Variants in TRPV3 observed in about 807,000 individuals in gnomAD.
TRPV3 encodes VRL-3.
Under a neutral mutation model 87.1 loss-of-function variants are expected in TRPV3, and 88 were observed. The ratio of observed to expected loss-of-function variants is 1.01; its 90% CI spans 0.85 to 1.21. TRPV3 has a LOEUF of 1.21. TRPV3 is among the 50% of genes most tolerant of loss of function. The pLI, the probability that TRPV3 is intolerant of heterozygous loss-of-function variation, is 0.00. For synonymous variants in TRPV3, 438 were observed against 423.3 expected (o/e 1.03, Z -0.43); for missense variants, 1,054 against 1,030.1 (o/e 1.02, Z -0.32).
intron 2 of TRPV3, among the ~76,000 whole-genome samples, chr17:3,548,503 G>A (rs1261812322): frequency 6.6e-6 from 1 of 152,228 alleles, no homozygotes; most frequent in Non-Finnish European, 1.5e-5. Flanking sequence ...TGCTTGGCAT[G>A]GCCACTTCCT....
rs748476309 is a variant in TRPV3, at chr17:3,520,952, T to C, written c.1810+21A>G. 2.7e-6 allele frequency: 4 copies of C among 1,503,732 alleles called. No homozygotes were observed. The South Asian group carries it at 4.5e-5, about 17-fold the overall frequency. 93.1% of individuals were successfully genotyped at this position (1,503,732 alleles called of 1,614,324 possible). On this transcript the variant is annotated intron_variant, in intron 14 of 17. Transcript: ENST00000576742. ...AAGTGTTTATAAATGTGGGAGTTACTATTATTTATAAATCAATTACCTACT... is the reference window on the plus strand; with the variant it reads ...AAGTGTTTATAAATGTGGGAGTTACCATTATTTATAAATCAATTACCTACT...
rs1301469381 is a variant in TRPV3, at chr17:3,510,993, T to G, written c.*2924A>C. 2.0e-5 allele frequency: 3 copies of G among 152,256 alleles called. No homozygotes were observed. The East Asian group carries it at 5.8e-4, about 29-fold the overall frequency. The allele number at this position is 152,256 out of a possible 1,614,324, so 9.4% of individuals were successfully genotyped here. ...TCACATAATGTCTAGAATAATGAAT[T>G]CTTCCTGAGGAAAAGTTTAGCTAAA... On this transcript the variant is annotated 3_prime_UTR_variant, in exon 18 of 18. Transcript: ENST00000576742.
At chr17:3,520,559 T>G (rs1302044889) in intron 14 of TRPV3, among the ~76,000 whole-genome samples, 3 of 152,214 alleles carry the variant, frequency 2.0e-5, no homozygotes, top group Non-Finnish European at 2.9e-5. Context: ...CATGGTGAAG[T>G]TGGATTATGA....
chr17:3,523,051 A>C (rs778906987), intron 13 of TRPV3, among the ~76,000 whole-genome samples: 2 of 152,140 alleles, frequency 1.3e-5, no homozygotes, highest in Non-Finnish European at 2.9e-5. Flanking sequence ...TACATCATGA[A>C]AATTGGTAAA....
intron 16 of TRPV3, 94 bp downstream of exon 16, chr17:3,516,363 G>T: frequency 1.0e-6 from 1 of 968,788 alleles, no homozygotes; most frequent in Non-Finnish European, 1.7e-6. Flanking sequence ...TGGTTAGCAA[G>T]TGGCGGCACT....
Position 3,516,506 on chromosome 17 carries a change from T to A in TRPV3, c.2149A>T (p.Met717Leu), listed in dbSNP as rs781688821. 1.2e-6 allele frequency: 2 copies of A among 1,614,050 alleles called. No individual in the cohort carries two copies. Among genetic ancestry groups the A allele is most frequent in the Admixed American group, 3.3e-5 (2 of 59,998 alleles). Residue 717 changes from methionine to leucine, a missense_variant, in exon 16 of 18, where the codon ATG becomes TTG. Transcript: ENST00000576742. ...TCGGCCACTTTGCACAGCTCTCCCATCCGGAATCTGCTCCTCAGCCATTCT... is the reference window on the plus strand; with the variant it reads ...TCGGCCACTTTGCACAGCTCTCCCAACCGGAATCTGCTCCTCAGCCATTCT... ...LPEWLRSRFRMGELCKVAEDD... is the reference protein window; with the variant it reads ...LPEWLRSRFRLGELCKVAEDD...
At chr17:3,515,811 G>T (rs910970704) in intron 16 of TRPV3, among the ~76,000 whole-genome samples, 1 of 152,170 alleles carries the variant, frequency 6.6e-6, no homozygotes, top group Non-Finnish European at 1.5e-5. Flanking sequence ...AGGGTAAACA[G>T]CAGGAAAAGG....
Position 3,518,810 on chromosome 17 carries a change from CTTG to C in TRPV3, c.1848_1850del (p.Asn616del). On this transcript the variant is annotated inframe_deletion, in exon 15 of 18. Transcript: ENST00000576742. This position sits in a 1 kb window ranked among gnomAD's most constrained non-coding sequence, Gnocchi z 4.3. The stretch of plus-strand genomic sequence containing the variant: ...TGAAGCTGCCGTAGGAGCTGCAGTC[CTTG>C]TTGTCTTTGGGACACTTCTCGATCA... 2 of 1,614,114 alleles carry C rather than the reference CTTG, an allele frequency of 1.2e-6. No homozygotes were observed. The highest frequency in any genetic ancestry group is 1.6e-4 in the Middle Eastern group (1 of 6,062).
intron 8 of TRPV3, 80 bp downstream of exon 8, chr17:3,532,576 TA>T (rs1461862385): frequency 2.6e-6 from 4 of 1,517,374 alleles, no homozygotes; most frequent in Non-Finnish European, 3.6e-6. Context: ...GAATCCCCAG[TA>T]AGGCCCCCGG....
In TRPV3 at chr17:3,554,742, TG is replaced by T; in HGVS notation, c.108del (p.Thr37GlnfsTer11). 6.2e-7 allele frequency: 1 copy of T among 1,609,680 alleles called. No homozygotes were observed. Among genetic ancestry groups the T allele is most frequent in the Non-Finnish European group, 8.5e-7 (1 of 1,177,286 alleles). ...LPEKRPAEITPTKKSAHFFLE... is the reference protein window; with the variant it reads ...LPEKRPAEITXTKKSAHFFLE... ...GCTCTCCAAACCCACCTCTTCTTTG[TG>T]GGGGTGATCTCCGCCGGCCTCTTCT... On this transcript the variant is annotated frameshift_variant, in exon 2 of 18. Coordinates refer to ENST00000576742, the MANE Select transcript of TRPV3 (RefSeq NM_145068.4). LOFTEE classifies it high-confidence loss of function.
chr17:3,530,156 C>T lies in TRPV3; in HGVS notation c.1113G>A (p.Arg371=). 1 of 1,614,040 alleles carries T rather than the reference C, an allele frequency of 6.2e-7. No homozygotes were observed. The highest frequency in any genetic ancestry group is 1.1e-5 in the South Asian group (1 of 91,024). Residue 371 remains arginine (R), a synonymous_variant, in exon 9 of 18, where the codon CGG becomes CGA. Transcript: ENST00000576742. The surrounding 1 kb of genome is among the most constrained non-coding windows in gnomAD (Gnocchi z 4.0). ...AGTCGGTGAACTTCCTGGACAGGCT[C>T]CGGAGCCGCTTCTCCTTGATCTCAC... is the stretch of plus-strand genomic sequence containing the variant. ...LSREIKEKRL[R]SLSRKFTDWA...
chr17:3,516,402 C>A, intron 16 of TRPV3, 55 bp downstream of exon 16: 3 of 1,358,712 alleles, frequency 2.2e-6, no homozygotes, highest in Non-Finnish European at 3.2e-6. Flanking sequence ...CACCATCCTG[C>A]CCCTCTCTAC....
At position 3,519,059 on chromosome 17, in the gene TRPV3, A is replaced by G. The variant is rs8079054; in HGVS notation, c.1811-209T>C. The stretch of plus-strand genomic sequence containing the variant: ...AAAGCCCTTCCACCTAACAAAGCCC[A>G]GAGTCTTCTCTCCTTCCTTTACCCC... On this transcript the variant is annotated intron_variant, in intron 14 of 17. Transcript: ENST00000576742. Among the ~76,000 whole-genome samples, 89,139 of 152,122 alleles carry G rather than the reference A, an allele frequency of 0.59. 26,947 individuals are homozygous for G. The highest frequency in any genetic ancestry group is 0.95 in the East Asian group (4,934 of 5,188).
At chr17:3,554,559 C>A in intron 2 of TRPV3, 173 bp downstream of exon 2, 1 of 568,038 alleles carries the variant, frequency 1.8e-6, no homozygotes, top group Non-Finnish European at 3.1e-6. Context: ...CCTGAGTGTG[C>A]TGTGCTCCCC....
rs569666546 is a variant in TRPV3 at position 3,555,583 on chromosome 17, C to G, written c.-2-731G>C. Among the ~76,000 whole-genome samples, 6 of 152,276 alleles carry G rather than the reference C, an allele frequency of 3.9e-5. No homozygotes were observed. In the South Asian group the frequency reaches 1.2e-3, roughly 32 times the overall value. On this transcript the variant is annotated intron_variant, in intron 1 of 17. Coordinates refer to ENST00000576742, the MANE Select transcript of TRPV3 (RefSeq NM_145068.4). The stretch of plus-strand genomic sequence containing the variant: ...TTGCCCCAGGCAGAGGAGGCCGACC[C>G]CCCAGTCCAGACCTGCTTTACTGAT...
rs1195813369 is a variant in TRPV3, at chr17:3,557,673, C to T, written c.-3+3G>A. On this transcript the variant is annotated splice_donor_region_variant and intron_variant, in intron 1 of 17. Transcript: ENST00000576742. The surrounding 1 kb of genome is among the most constrained non-coding windows in gnomAD (Gnocchi z 4.5). ...CCAGCTGCCTTGTGCACAGAAGACT[C>T]ACCTGGTGAGGTTCTGGGTGGTCGT... is the stretch of plus-strand genomic sequence containing the variant. 4 of 152,296 alleles carry T rather than the reference C, an allele frequency of 2.6e-5. No homozygotes were observed. The highest frequency in any genetic ancestry group is 9.6e-5 in the African/African-American group (4 of 41,462). 9.4% of individuals were successfully genotyped at this position (152,296 alleles called of 1,614,324 possible). A position where few individuals can be genotyped will look rare whatever the true frequency, so the allele number is the denominator to read the frequency against.
In TRPV3 at chr17:3,526,846, C is replaced by T. The variant is rs569123756; in HGVS notation, c.1577+8G>A. 9.3e-6 allele frequency: 15 copies of T among 1,608,566 alleles called. No homozygotes were observed. In the East Asian group the frequency reaches 2.9e-4, roughly 31 times the overall value. ...TGAGGCGATAACCAAGGGGCCAGAC[C>T]TACTTACAAGACAAAGTGGAACCAG... On this transcript the variant is annotated splice_region_variant and intron_variant, in intron 12 of 17. Transcript: ENST00000576742.
At position 3,543,688 on chromosome 17, in the gene TRPV3, T is replaced by C. The variant is rs868146356; in HGVS notation, c.312-60A>G. The C allele has an allele frequency of 1.6e-5, 26 of 1,598,542 alleles. No individual in the cohort carries two copies. The Middle Eastern group carries it at 6.7e-4, about 41-fold the overall frequency. ...CATCCTCTCAAGCTCAATCTCTCCT[T>C]TTCCCCGCCAGAGCTGCCTACGGGG... On this transcript the variant is annotated intron_variant, in intron 4 of 17. Coordinates refer to ENST00000576742, the MANE Select transcript of TRPV3 (RefSeq NM_145068.4).
intron 2 of TRPV3, among the ~76,000 whole-genome samples, chr17:3,548,541 C>G (rs1283145313): frequency 6.6e-6 from 1 of 152,184 alleles, no homozygotes; most frequent in African/African-American, 2.4e-5. Flanking sequence ...AGAGAGACCC[C>G]GGGCTTTCCC....
Sources: allele counts gnomAD v4.1 joint callset (sites outside exome capture counted in the v4.1 genomes callset), GRCh38; gene constraint gnomAD v4.1.1; non-coding constraint Gnocchi (gnomAD v3.1); transcripts MANE v1.5; gene names NCBI Gene and HGNC (gene_info 2026-07-23, HGNC 2026-07-21).